Variants in NRXN3 observed in about 807,000 individuals in gnomAD.
NRXN3 encodes neurexin III.
A neutral mutation model predicts 137.6 loss-of-function variants in NRXN3; 32 were observed. The observed-to-expected ratio is 0.23, with a 90% CI of 0.18 to 0.31. NRXN3 has a LOEUF of 0.31. Ranked by LOEUF, NRXN3 falls within the 10% of genes least tolerant of loss-of-function variation. The probability of loss-of-function intolerance (pLI) is 1.00; values close to 1 mark genes in which losing one functional copy is unlikely to be tolerated. For synonymous variants in NRXN3, 798 were observed against 784.5 expected (o/e 1.02, Z -0.29); for missense variants, 1,574 against 2,062.5 (o/e 0.76, Z 4.59).
intron 15 of NRXN3, among the ~76,000 whole-genome samples, chr14:79,285,299 T>C (rs2082054954): frequency 6.6e-6 from 1 of 152,232 alleles, no homozygotes; most frequent in African/African-American, 2.4e-5. Context: ...TATTTCATTT[T>C]ACATTTTAGT....
chr14:78,297,906 C>A, intron 4 of NRXN3, 46 bp downstream of exon 4: 1 of 1,534,988 alleles, frequency 6.5e-7, no homozygotes, highest in Non-Finnish European at 8.7e-7. Flanking sequence ...GAACTGCTTG[C>A]CTCCGTGCCT....
chr14:78,485,548 C>T (rs2095548011), intron 4 of NRXN3, among the ~76,000 whole-genome samples: 1 of 152,172 alleles, frequency 6.6e-6, no homozygotes, highest in Non-Finnish European at 1.5e-5. Flanking sequence ...TGGAGTAGTG[C>T]TTGACATGTA....
intron 2 of NRXN3, among the ~76,000 whole-genome samples, chr14:78,245,948 G>A (rs903030544): frequency 6.6e-6 from 1 of 152,222 alleles, no homozygotes; most frequent in African/African-American, 2.4e-5. Context: ...CTCACAAGCA[G>A]GTGCCTTCTG....
In NRXN3 at chr14:78,493,523, CAAATAAATAAATAAATAAAT is replaced by C. The variant is rs144261455; in HGVS notation, c.758-151573_758-151554del. On this transcript the variant is annotated intron_variant, in intron 4 of 20. Transcript: ENST00000335750. ...AGGCAACAATCGTGAAACTCCATCTCAAATAAATAAATAAATAAATAAATAAATAAATAAATAAATAAAAA... is the reference window on the plus strand; with the variant it reads ...AGGCAACAATCGTGAAACTCCATCTCAAATAAATAAATAAATAAATAAAAA... Among the ~76,000 whole-genome samples the C allele has an allele frequency of 9.1e-4, 127 of 139,230 alleles. 1 individual carries two copies. Among genetic ancestry groups the C allele is most frequent in the African/African-American group, 3.1e-3 (116 of 37,366 alleles). The allele number at this position is 139,230 out of a possible 152,430, so 91.3% of individuals were successfully genotyped here. A position where few individuals can be genotyped will look rare whatever the true frequency, so the allele number is the denominator to read the frequency against.
chr14:79,355,185 A>G lies in NRXN3; in HGVS notation c.3263-112036A>G, dbSNP rs536760811. Among the ~76,000 whole-genome samples the G allele has an allele frequency of 1.2e-3, 188 of 152,200 alleles. 1 individual carries two copies. Among genetic ancestry groups the G allele is most frequent in the Non-Finnish European group, 2.2e-3 (152 of 68,028 alleles). ...AGTCATCAATAGTTAATGATAAGGA[A>G]TCAGTCTGCTGTGCCATATTGGTAG... is the stretch of plus-strand genomic sequence containing the variant. On this transcript the variant is annotated intron_variant, in intron 15 of 20. Coordinates refer to ENST00000335750, the MANE Select transcript of NRXN3 (RefSeq NM_001330195.2).
intron 16 of NRXN3, among the ~76,000 whole-genome samples, chr14:79,484,440 A>G (rs191504671): frequency 2.6e-4 from 39 of 152,304 alleles, no homozygotes; most frequent in African/African-American, 8.7e-4. Context: ...AAATGCAGAT[A>G]TTTCATATAC....
At chr14:79,601,606 G>T (rs139622713) in intron 16 of NRXN3, among the ~76,000 whole-genome samples, 18 of 152,088 alleles carry the variant, frequency 1.2e-4, no homozygotes, top group South Asian at 2.1e-4. Flanking sequence ...ATTCTCTAGA[G>T]TATATGCTGT....
At chr14:79,480,614 A>T (rs978336101) in intron 16 of NRXN3, among the ~76,000 whole-genome samples, 1 of 152,064 alleles carries the variant, frequency 6.6e-6, no homozygotes, top group Non-Finnish European at 1.5e-5. Context: ...GAAATGAGTA[A>T]CCTAATGTTA....
At chr14:79,814,285 C>T (rs576298799) in intron 20 of NRXN3, among the ~76,000 whole-genome samples, 2 of 152,214 alleles carry the variant, frequency 1.3e-5, no homozygotes, top group Non-Finnish European at 2.9e-5. Flanking sequence ...GCACATCTGT[C>T]TTGCCATCTT....
chr14:78,857,766 T>A (rs2099061518), intron 10 of NRXN3, among the ~76,000 whole-genome samples: 1 of 151,988 alleles, frequency 6.6e-6, no homozygotes, highest in Non-Finnish European at 1.5e-5. Context: ...AATCTGGGTG[T>A]GTATGGAAAA....
At chr14:79,658,009 G>T (rs190401642) in intron 16 of NRXN3, among the ~76,000 whole-genome samples, 20 of 152,240 alleles carry the variant, frequency 1.3e-4, no homozygotes. Context: ...CTGAGCTCAT[G>T]TTAGGATACT....
intron 15 of NRXN3, among the ~76,000 whole-genome samples, chr14:79,074,196 A>T (rs1439737658): frequency 6.6e-6 from 1 of 152,230 alleles, no homozygotes; most frequent in South Asian, 2.1e-4. Context: ...CTAGCTCTGC[A>T]GTCTTGCACA....
At chr14:79,774,238 T>G (rs529899386) in intron 19 of NRXN3, among the ~76,000 whole-genome samples, 68 of 152,178 alleles carry the variant, frequency 4.5e-4, no homozygotes, top group Non-Finnish European at 4.7e-4. Context: ...TGAGTGTCTG[T>G]AATCCCACAG....
intron 16 of NRXN3, among the ~76,000 whole-genome samples, chr14:79,475,478 T>C (rs757084308): frequency 7.2e-5 from 11 of 152,220 alleles, no homozygotes; most frequent in Admixed American, 1.3e-4. Flanking sequence ...TATATATAAA[T>C]TGAGTTTTTA....
chr14:78,902,372 T>C (rs1383955922), intron 10 of NRXN3, among the ~76,000 whole-genome samples: 1 of 152,132 alleles, frequency 6.6e-6, no homozygotes, highest in African/African-American at 2.4e-5. Flanking sequence ...TTTTCATATT[T>C]GTTTGATTTC....
At chr14:78,521,354 A>G (rs2096281594) in intron 4 of NRXN3, among the ~76,000 whole-genome samples, 1 of 152,214 alleles carries the variant, frequency 6.6e-6, no homozygotes, top group Non-Finnish European at 1.5e-5. Context: ...TATTTATTCA[A>G]AAAAGACATC....
At chr14:79,081,411 C>A (rs113743862) in intron 15 of NRXN3, among the ~76,000 whole-genome samples, 1 of 151,802 alleles carries the variant, frequency 6.6e-6, no homozygotes, top group Non-Finnish European at 1.5e-5. Flanking sequence ...GTCAGGAGAC[C>A]GAGACCATCC....
intron 4 of NRXN3, among the ~76,000 whole-genome samples, chr14:78,320,263 G>A (rs745468747): frequency 4.6e-5 from 7 of 152,102 alleles, no homozygotes; most frequent in African/African-American, 7.2e-5. Context: ...CGGGATTTTC[G>A]TTGTTATTTT....
chr14:78,305,056 T>A (rs1056169822), intron 4 of NRXN3, among the ~76,000 whole-genome samples: 1 of 152,182 alleles, frequency 6.6e-6, no homozygotes, highest in Non-Finnish European at 1.5e-5. Context: ...GATTTCTTAC[T>A]GGATGTCAAT....
Sources: gnomAD v4.1 joint callset for allele counts (sites outside exome capture counted in the v4.1 genomes callset) on GRCh38, gnomAD v4.1.1 for gene constraint, MANE v1.5 for transcripts, NCBI Gene and HGNC (gene_info 2026-07-23, HGNC 2026-07-21) for gene names.